DLG1: variants seen among roughly 807,000 people sequenced by gnomAD.
DLG1 encodes the protein discs large MAGUK scaffold protein 1, also known as disks large homolog 1.
In DLG1, 42 loss-of-function variants were observed where a neutral mutation model predicts 123.4. The ratio of observed to expected loss-of-function variants is 0.34; its 90% CI spans 0.27 to 0.44. DLG1 has a LOEUF of 0.44. DLG1 is among the 20% of genes least tolerant of loss of function. The probability of loss-of-function intolerance (pLI) is 1.00; values close to 1 mark genes in which losing one functional copy is unlikely to be tolerated. For missense variants in DLG1, 942 were observed against 1,082.6 expected, an observed-to-expected ratio of 0.87 and a Z score of 1.82; for synonymous variants, 317 against 356.2, an observed-to-expected ratio of 0.89 and a Z score of 1.24.
intron 4 of DLG1, among the ~76,000 whole-genome samples, chr3:197,275,750 G>A (rs1361794947): frequency 2.0e-5 from 3 of 152,190 alleles, no homozygotes; most frequent in African/African-American, 7.2e-5. Context: ...AGGGTACAGT[G>A]AAGGAGGGGA....
chr3:197,230,067 A>G (rs967943594), intron 4 of DLG1, among the ~76,000 whole-genome samples: 2 of 152,194 alleles, frequency 1.3e-5, no homozygotes, highest in Non-Finnish European at 2.9e-5. Context: ...AGTCCTTACT[A>G]TTCTTTCTAC....
rs1250928273 is a variant in DLG1 at position 197,076,003 on chromosome 3, C to T, written c.2005+583G>A. 9.2e-6 allele frequency: 5 copies of T among 545,594 alleles called. No individual in the cohort carries two copies. The Admixed American group carries it at 1.5e-4, about 16-fold the overall frequency. 33.8% of individuals were successfully genotyped at this position (545,594 alleles called of 1,614,324 possible). A position where few individuals can be genotyped will look rare whatever the true frequency, so the allele number is the denominator to read the frequency against. On this transcript the variant is annotated intron_variant, in intron 18 of 24. Coordinates refer to ENST00000667157, the MANE Select transcript of DLG1 (RefSeq NM_001366207.1). ...TTACAGGTACATATATCTTACAGAG[C>T]ATTTTTACATATTTCTAGAACTTTG...
chr3:197,200,629 T>A (rs928557829), intron 4 of DLG1, among the ~76,000 whole-genome samples: 4 of 152,162 alleles, frequency 2.6e-5, no homozygotes, highest in African/African-American at 9.7e-5. Flanking sequence ...TAATACCCCA[T>A]GATCCAGTGG....
At chr3:197,044,761 CATTA>C (rs745858810) in intron 24 of DLG1, 32 bp from the exon 25 acceptor site, 20 of 1,339,338 alleles carry the variant, frequency 1.5e-5, no homozygotes, top group African/African-American at 6.0e-5. Flanking sequence ...CAGAAATCTC[CATTA>C]ATTGTCTATT....
chr3:197,049,868 G>A (rs1308856843), intron 24 of DLG1, among the ~76,000 whole-genome samples: 4 of 152,090 alleles, frequency 2.6e-5, no homozygotes. Flanking sequence ...TTTGAGACCA[G>A]CCTAGGCAAC....
intron 4 of DLG1, among the ~76,000 whole-genome samples, chr3:197,224,632 CATTTCCATTTCCT>C (rs1738840672): frequency 6.6e-6 from 1 of 152,126 alleles, no homozygotes; most frequent in South Asian, 2.1e-4. Flanking sequence ...CTTGTGCAAT[CATTTCCATTTCCT>C]ATTTCAGAAA....
At chr3:197,088,213 TTAAAGAATGCCTTA>T (rs1434809297) in intron 15 of DLG1, among the ~76,000 whole-genome samples, 2 of 152,060 alleles carry the variant, frequency 1.3e-5, no homozygotes, top group Non-Finnish European at 2.9e-5. Context: ...CACTGGATAT[TTAAAGAATGCCTTA>T]TATAAAACAC....
intron 2 of DLG1, 189 bp from the exon 3 acceptor site, chr3:197,296,666 A>G (rs1579611325): frequency 4.0e-6 from 2 of 496,470 alleles, no homozygotes; most frequent in South Asian, 7.7e-5. Context: ...AAAGAAATAC[A>G]AGAAAAATTT....
intron 5 of DLG1, among the ~76,000 whole-genome samples, chr3:197,193,764 GGA>G (rs961269386): frequency 2.6e-5 from 4 of 151,830 alleles, no homozygotes; most frequent in African/African-American, 9.7e-5. Flanking sequence ...ACTTCTGAGG[GGA>G]GAGATGATAG....
intron 6 of DLG1, among the ~76,000 whole-genome samples, chr3:197,145,947 G>A: frequency 6.6e-6 from 1 of 151,760 alleles, no homozygotes; most frequent in East Asian, 1.9e-4. Context: ...CTGAGATTGT[G>A]CTACTGTACT....
chr3:197,051,658 T>A lies in DLG1; in HGVS notation c.2494A>T (p.Lys832Ter). The change falls in exon 24 of 25, where the codon AAG becomes TAG. Residue 832 changes from lysine to a stop codon, truncating the protein, a stop_gained. Coordinates refer to ENST00000667157, the MANE Select transcript of DLG1 (RefSeq NM_001366207.1). LOFTEE classifies it high-confidence loss of function. ...CTGGCTTGTTCTTCTGTTAGACGCT[T>A]ATTCATTTCCCTACGAAAATAAATG... ...KSMENIMEMN[K>*]RLTEEQARKT... 6.2e-7 allele frequency: 1 copy of A among 1,612,160 alleles called. No homozygotes were observed. The highest frequency in any genetic ancestry group is 8.5e-7 in the Non-Finnish European group (1 of 1,178,594).
At chr3:197,245,900 T>TGGGGGG (rs34147802) in intron 4 of DLG1, among the ~76,000 whole-genome samples, 2 of 85,394 alleles carry the variant, frequency 2.3e-5, no homozygotes, top group South Asian at 5.1e-4. Flanking sequence ...TTTTTTTTTT[T>TGGGGGG]GGGGGGGGGG....
At chr3:197,287,119 C>T (rs1772255855) in intron 3 of DLG1, among the ~76,000 whole-genome samples, 1 of 151,996 alleles carries the variant, frequency 6.6e-6, no homozygotes, top group Non-Finnish European at 1.5e-5. Flanking sequence ...ATCCTCCCAC[C>T]CTGGCCTCCC....
At chr3:197,144,949 T>A (rs1477992236) in intron 6 of DLG1, among the ~76,000 whole-genome samples, 2 of 152,156 alleles carry the variant, frequency 1.3e-5, no homozygotes, top group Non-Finnish European at 2.9e-5. Context: ...CTTGAGTAGC[T>A]GAGACTACAG....
intron 10 of DLG1, among the ~76,000 whole-genome samples, chr3:197,133,199 T>C (rs1034006201): frequency 1.3e-5 from 2 of 152,202 alleles, no homozygotes; most frequent in African/African-American, 4.8e-5. Context: ...AAGAGAAGAT[T>C]GATAAAAACA....
At chr3:197,062,430 GT>G (rs1441210181) in intron 22 of DLG1, among the ~76,000 whole-genome samples, 1 of 152,124 alleles carries the variant, frequency 6.6e-6, no homozygotes, top group Admixed American at 6.5e-5. Flanking sequence ...GGCCATCTGT[GT>G]TTGTTTATAT....
At chr3:197,131,804 G>A (rs1003728249) in intron 10 of DLG1, among the ~76,000 whole-genome samples, 4 of 150,810 alleles carry the variant, frequency 2.7e-5, no homozygotes, top group South Asian at 2.1e-4. Context: ...CGTTTTAGCC[G>A]GGATGGTCTC....
intron 4 of DLG1, among the ~76,000 whole-genome samples, chr3:197,225,593 C>T (rs1199080315): frequency 6.6e-6 from 1 of 152,180 alleles, no homozygotes; most frequent in African/African-American, 2.4e-5. Context: ...TCCACAGTAG[C>T]AACACATAAA....
At chr3:197,237,619 A>G (rs1357530430) in intron 4 of DLG1, among the ~76,000 whole-genome samples, 1 of 152,148 alleles carries the variant, frequency 6.6e-6, no homozygotes, top group African/African-American at 2.4e-5. Flanking sequence ...ATCTTCCCCA[A>G]CTGGGGCTGG....
Sources: gnomAD v4.1 joint callset for allele counts (sites outside exome capture counted in the v4.1 genomes callset) on GRCh38, gnomAD v4.1.1 for gene constraint, MANE v1.5 for transcripts, NCBI Gene and HGNC (gene_info 2026-07-23, HGNC 2026-07-21) for gene names.